Variants in LRFN5 observed in about 807,000 individuals in gnomAD.
LRFN5 encodes the protein leucine rich repeat and fibronectin type III domain containing 5, also known as leucine-rich repeat and fibronectin type-III domain-containing protein 5.
A neutral mutation model predicts 45.6 loss-of-function variants in LRFN5; 24 were observed. That is an observed-to-expected ratio of 0.53 (90% CI 0.38 to 0.74). LRFN5 has a LOEUF of 0.74. Ranked by LOEUF, LRFN5 falls within the 30% of genes least tolerant of loss-of-function variation. The pLI is 0.00. For missense variants in LRFN5, 776 were observed against 861.5 expected (o/e 0.90, Z 1.24); for synonymous variants, 340 against 313.8 (o/e 1.08, Z -0.88).
intron 2 of LRFN5, among the ~76,000 whole-genome samples, chr14:41,787,380 A>G (rs8019223): frequency 0.045 from 6,845 of 152,186 alleles, 519 homozygotes; most frequent in African/African-American, 0.16. Flanking sequence ...GCTGTAATAA[A>G]ACCTGGAAAC....
At chr14:41,794,967 C>G (rs1887065656) in intron 2 of LRFN5, among the ~76,000 whole-genome samples, 1 of 151,456 alleles carries the variant, frequency 6.6e-6, no homozygotes, top group African/African-American at 2.4e-5. Flanking sequence ...AAATATAGAT[C>G]TATGTTATGC....
At chr14:41,721,669 T>G (rs1338064814) in intron 1 of LRFN5, among the ~76,000 whole-genome samples, 4 of 152,210 alleles carry the variant, frequency 2.6e-5, no homozygotes, top group Admixed American at 2.6e-4. Flanking sequence ...TAATTTCTTT[T>G]CTTTAAGAAT....
intron 2 of LRFN5, among the ~76,000 whole-genome samples, chr14:41,877,951 T>C (rs952507725): frequency 3.9e-5 from 6 of 152,114 alleles, no homozygotes; most frequent in African/African-American, 1.4e-4. Context: ...GCCATATTAC[T>C]AGTGACTGTT....
intron 2 of LRFN5, among the ~76,000 whole-genome samples, chr14:41,873,494 G>C (rs893179647): frequency 6.6e-6 from 1 of 151,970 alleles, no homozygotes; most frequent in South Asian, 2.1e-4. Context: ...TCCATATGGT[G>C]TTAGTTTGTC....
At position 41,783,702 on chromosome 14, in the gene LRFN5, A is replaced by T. The variant is rs10148675; in HGVS notation, c.-21+16673A>T. 2.0e-5 allele frequency among the ~76,000 whole-genome samples: 3 copies of T among 151,728 alleles called. No homozygotes were observed. In the East Asian group the frequency reaches 5.8e-4, roughly 29 times the overall value. Reference sequence around the variant, plus strand: ...AGACTTCTTGCCCATGCCTTAAAAAAAGGGGATGTTCTGTTATTTTTTCAC... The same window carrying T: ...AGACTTCTTGCCCATGCCTTAAAAATAGGGGATGTTCTGTTATTTTTTCAC... On this transcript the variant is annotated intron_variant, in intron 2 of 5. Coordinates refer to ENST00000298119, the MANE Select transcript of LRFN5 (RefSeq NM_152447.5).
chr14:41,711,908 C>G (rs1454609516), intron 1 of LRFN5, among the ~76,000 whole-genome samples: 1 of 152,022 alleles, frequency 6.6e-6, no homozygotes, highest in Non-Finnish European at 1.5e-5. Context: ...ATATATGAAT[C>G]AAAATGATGC....
At chr14:41,811,092 A>G (rs1050004599) in intron 2 of LRFN5, among the ~76,000 whole-genome samples, 1 of 152,110 alleles carries the variant, frequency 6.6e-6, no homozygotes, top group African/African-American at 2.4e-5. Flanking sequence ...AAATTTCTCA[A>G]TTTTAAAAGG....
chr14:41,731,908 G>A (rs1470781750), intron 1 of LRFN5: 2 of 152,118 alleles, frequency 1.3e-5, no homozygotes, highest in East Asian at 1.9e-4. Context: ...TAATTAGAGA[G>A]TTGAAGTCAT....
At chr14:41,793,944 T>C (rs987252087) in intron 2 of LRFN5, among the ~76,000 whole-genome samples, 3 of 152,102 alleles carry the variant, frequency 2.0e-5, no homozygotes, top group Admixed American at 6.6e-5. Context: ...TGTCGTTATA[T>C]TCCTTTGCCA....
chr14:41,735,778 C>G (rs1884403448), intron 1 of LRFN5, among the ~76,000 whole-genome samples: 1 of 151,978 alleles, frequency 6.6e-6, no homozygotes, highest in Non-Finnish European at 1.5e-5. Context: ...CTGACAGACC[C>G]CAGCATGTGA....
At chr14:41,873,344 G>A (rs1315618067) in intron 2 of LRFN5, among the ~76,000 whole-genome samples, 6 of 151,102 alleles carry the variant, frequency 4.0e-5, no homozygotes, top group Non-Finnish European at 7.4e-5. Context: ...ACAATAAAAT[G>A]TACTAAATAT....
Position 41,891,682 on chromosome 14 carries a change from C to T in LRFN5, c.1818C>T (p.Thr606=). The T allele has an allele frequency of 6.2e-7, 1 of 1,614,180 alleles. No individual in the cohort carries two copies. The highest frequency in any genetic ancestry group is 1.3e-5 in the African/African-American group (1 of 75,040). Residue 606 remains threonine, a synonymous_variant, in exon 4 of 6, where the codon ACC becomes ACT. Transcript: ENST00000298119. The stretch of plus-strand genomic sequence containing the variant: ...AGAATGCCCAGTGTTGTAAAGCTAC[C>T]AGTGACAATGTGATTCAATCTTCAG... The part of the protein sequence containing the change: ...HEENAQCCKA[T]SDNVIQSSET...
intron 1 of LRFN5, among the ~76,000 whole-genome samples, chr14:41,758,008 C>G (rs1885488154): frequency 1.3e-5 from 2 of 152,144 alleles, no homozygotes; most frequent in Non-Finnish European, 2.9e-5. Flanking sequence ...ATAGTATATT[C>G]TTAATGTAAA....
chr14:41,647,448 G>A (rs1202627958), intron 1 of LRFN5, among the ~76,000 whole-genome samples: 1 of 152,164 alleles, frequency 6.6e-6, no homozygotes, highest in Non-Finnish European at 1.5e-5. Context: ...GCAGTACGTA[G>A]TAGGTGGGAT....
intron 2 of LRFN5, among the ~76,000 whole-genome samples, chr14:41,847,450 A>C (rs1889108435): frequency 1.3e-5 from 2 of 152,174 alleles, no homozygotes. Context: ...AACATCATGC[A>C]TAAGAAATGT....
chr14:41,761,888 CTTTT>C (rs1885685660), intron 1 of LRFN5, among the ~76,000 whole-genome samples: 1 of 151,866 alleles, frequency 6.6e-6, no homozygotes, highest in African/African-American at 2.4e-5. Flanking sequence ...TTTTACATTT[CTTTT>C]GTTTATTTTT....
chr14:41,699,255 G>A (rs143341029), intron 1 of LRFN5, among the ~76,000 whole-genome samples: 31 of 152,202 alleles, frequency 2.0e-4, no homozygotes, highest in African/African-American at 7.2e-4. Context: ...GGTTCTAGGT[G>A]ATGAAATGCT....
chr14:41,843,416 T>C (rs1315121628), intron 2 of LRFN5, among the ~76,000 whole-genome samples: 1 of 152,156 alleles, frequency 6.6e-6, no homozygotes, highest in Non-Finnish European at 1.5e-5. Context: ...AAGCAGAACT[T>C]TAACTGTGAT....
At chr14:41,780,354 A>G (rs1886438026) in intron 2 of LRFN5, among the ~76,000 whole-genome samples, 1 of 151,284 alleles carries the variant, frequency 6.6e-6, no homozygotes, top group Non-Finnish European at 1.5e-5. Flanking sequence ...CACATCTTTT[A>G]ATGCACTGTT....
Sources: allele counts gnomAD v4.1 joint callset (sites outside exome capture counted in the v4.1 genomes callset), GRCh38; gene constraint gnomAD v4.1.1; transcripts MANE v1.5; gene names NCBI Gene and HGNC (gene_info 2026-07-23, HGNC 2026-07-21).